ARHGAP42: variants seen among roughly 807,000 people sequenced by gnomAD.
ARHGAP42 encodes the protein rho GTPase-activating protein 42.
A neutral mutation model predicts 125.0 loss-of-function variants in ARHGAP42; 63 were observed. The ratio of observed to expected loss-of-function variants is 0.50; its 90% CI spans 0.41 to 0.62. ARHGAP42 has a LOEUF of 0.62. Among genes scored for constraint, ARHGAP42 ranks in the 20% least tolerant of loss-of-function variants. The pLI is 0.00. For synonymous variants in ARHGAP42, 339 were observed against 351.0 expected (o/e 0.97, Z 0.38); for missense variants, 766 against 1,024.2 (o/e 0.75, Z 3.44).
chr11:100,795,247 A>G (rs891596331), intron 3 of ARHGAP42, 81 bp downstream of exon 3: 4 of 1,043,750 alleles, frequency 3.8e-6, no homozygotes, highest in Non-Finnish European at 1.4e-6. Context: ...TGAACTAGAG[A>G]ACTTTATACA....
intron 4 of ARHGAP42, among the ~76,000 whole-genome samples, chr11:100,864,515 G>A (rs1028717572): frequency 6.6e-6 from 1 of 152,086 alleles, no homozygotes; most frequent in Non-Finnish European, 1.5e-5. Flanking sequence ...ATAATACACT[G>A]TGGATAAACA....
At chr11:100,891,494 G>A (rs1049553646) in intron 4 of ARHGAP42, among the ~76,000 whole-genome samples, 11 of 147,552 alleles carry the variant, frequency 7.5e-5, no homozygotes, top group Non-Finnish European at 1.6e-4. Flanking sequence ...CCAGGCTGGA[G>A]TGCAATGGTG....
At position 100,818,077 on chromosome 11, in the gene ARHGAP42, A is replaced by G. The variant is rs548944460; in HGVS notation, c.312+22911A>G. ...GATCTAGCATGGTAAAGCAAGGGAAAGGAATTATGTTGCCTGAAAGAGGCT... is the reference window on the plus strand; with the variant it reads ...GATCTAGCATGGTAAAGCAAGGGAAGGGAATTATGTTGCCTGAAAGAGGCT... On this transcript the variant is annotated intron_variant, in intron 3 of 23. Coordinates refer to ENST00000298815, the MANE Select transcript of ARHGAP42 (RefSeq NM_152432.4). Among the ~76,000 whole-genome samples, 17 of 152,324 alleles carry G rather than the reference A, an allele frequency of 1.1e-4. No individual in the cohort carries two copies. The South Asian group carries it at 3.5e-3, about 32-fold the overall frequency.
chr11:100,969,991 G>A (rs1262495091), intron 17 of ARHGAP42, among the ~76,000 whole-genome samples: 1 of 151,474 alleles, frequency 6.6e-6, no homozygotes, highest in African/African-American at 2.4e-5. Flanking sequence ...TTTGTTTAGT[G>A]TCTTTTTTTT....
chr11:100,766,947 C>T (rs958361585), intron 1 of ARHGAP42, among the ~76,000 whole-genome samples: 1 of 152,160 alleles, frequency 6.6e-6, no homozygotes, highest in Non-Finnish European at 1.5e-5. Context: ...AAGGATCATT[C>T]ATGCATTCTT....
At chr11:100,888,130 T>C (rs962503622) in intron 4 of ARHGAP42, among the ~76,000 whole-genome samples, 1 of 152,140 alleles carries the variant, frequency 6.6e-6, no homozygotes, top group African/African-American at 2.4e-5. Flanking sequence ...CAGGCAGATA[T>C]GTAAGTATTT....
chr11:100,962,554 G>A (rs1857982467), intron 16 of ARHGAP42, 87 bp downstream of exon 16: 1 of 1,221,614 alleles, frequency 8.2e-7, no homozygotes, highest in Admixed American at 2.3e-5. Context: ...ATCAGCTAGT[G>A]AAGATTTTTT....
intron 4 of ARHGAP42, among the ~76,000 whole-genome samples, chr11:100,881,981 C>G (rs909556551): frequency 2.0e-5 from 3 of 152,100 alleles, no homozygotes; most frequent in African/African-American, 7.2e-5. Context: ...TTTATCAGCT[C>G]CAGGAGCTTT....
chr11:100,720,495 C>T (rs927527886), intron 1 of ARHGAP42, among the ~76,000 whole-genome samples: 3 of 152,086 alleles, frequency 2.0e-5, no homozygotes, highest in African/African-American at 7.2e-5. Context: ...ATAATAACAA[C>T]TGGTTTTGTT....
intron 3 of ARHGAP42, among the ~76,000 whole-genome samples, chr11:100,856,435 G>C (rs1383492424): frequency 6.6e-6 from 1 of 151,982 alleles, no homozygotes; most frequent in African/African-American, 2.4e-5. Context: ...TATTCCCAGG[G>C]GGAATGTATA....
At chr11:100,936,117 A>G (rs1211143150) in intron 7 of ARHGAP42, 86 bp from the exon 8 acceptor site, 6 of 1,491,760 alleles carry the variant, frequency 4.0e-6, no homozygotes, top group Non-Finnish European at 5.4e-6. Flanking sequence ...TCAAAAATAA[A>G]TAAAAGCAAA....
chr11:100,861,702 TA>T (rs1197937925), intron 4 of ARHGAP42, among the ~76,000 whole-genome samples: 2 of 152,212 alleles, frequency 1.3e-5, no homozygotes, highest in African/African-American at 4.8e-5. Flanking sequence ...CACCTACTGA[TA>T]TAGGCCACAT....
At chr11:100,795,308 G>C in intron 3 of ARHGAP42, 142 bp downstream of exon 3, 2 of 548,652 alleles carry the variant, frequency 3.6e-6, no homozygotes, top group East Asian at 3.2e-5. Context: ...TTTTTGAAAA[G>C]ATTTGTGACT....
chr11:100,835,572 G>A (rs1864766923), intron 3 of ARHGAP42, among the ~76,000 whole-genome samples: 1 of 152,092 alleles, frequency 6.6e-6, no homozygotes, highest in African/African-American at 2.4e-5. Context: ...CACACCAAAG[G>A]TGTTTGTTGG....
At chr11:100,750,256 A>C (rs563664261) in intron 1 of ARHGAP42, among the ~76,000 whole-genome samples, 1 of 152,238 alleles carries the variant, frequency 6.6e-6, no homozygotes, top group Non-Finnish European at 1.5e-5. Flanking sequence ...AGCAATGGTG[A>C]GTGCATACCT....
chr11:100,764,041 T>G (rs372864751), intron 1 of ARHGAP42, among the ~76,000 whole-genome samples: 2,694 of 145,890 alleles, frequency 0.018, 32 homozygotes, highest in Non-Finnish European at 0.032. Context: ...TTTTTTTTTT[T>G]GAGACAAGTC....
At chr11:100,729,695 T>C (rs768145057) in intron 1 of ARHGAP42, among the ~76,000 whole-genome samples, 1 of 152,206 alleles carries the variant, frequency 6.6e-6, no homozygotes, top group African/African-American at 2.4e-5. Flanking sequence ...TTTGCATCCA[T>C]GTTATACTAC....
chr11:100,901,553 C>T (rs1323754078), intron 4 of ARHGAP42, among the ~76,000 whole-genome samples: 1 of 152,196 alleles, frequency 6.6e-6, no homozygotes, highest in African/African-American at 2.4e-5. Context: ...CCTTGGTGAT[C>T]TGCAGTGGGC....
intron 2 of ARHGAP42, among the ~76,000 whole-genome samples, chr11:100,782,328 C>A (rs1206011254): frequency 6.6e-6 from 1 of 152,150 alleles, no homozygotes; most frequent in East Asian, 1.9e-4. Flanking sequence ...ATCACAAAAT[C>A]CTTTATGCAT....
Sources: allele counts gnomAD v4.1 joint callset (sites outside exome capture counted in the v4.1 genomes callset), GRCh38; gene constraint gnomAD v4.1.1; transcripts MANE v1.5; gene names NCBI Gene and HGNC (gene_info 2026-07-23, HGNC 2026-07-21).